FRMD6: variants seen among roughly 807,000 people sequenced by gnomAD.
FRMD6 encodes FERM domain-containing protein 6.
A neutral mutation model predicts 73.2 loss-of-function variants in FRMD6; 37 were observed. The observed-to-expected ratio is 0.51, with a 90% CI of 0.39 to 0.66. FRMD6 has a LOEUF of 0.66. Ranked by LOEUF, FRMD6 falls within the 30% of genes least tolerant of loss-of-function variation. FRMD6 has a pLI of 0.00. For synonymous variants in FRMD6, 273 were observed against 282.2 expected (o/e 0.97, Z 0.33); for missense variants, 714 against 780.5 (o/e 0.91, Z 1.02).
chr14:51,577,161 C>T (rs1745249785), intron 2 of FRMD6, among the ~76,000 whole-genome samples: 1 of 152,102 alleles, frequency 6.6e-6, no homozygotes, highest in South Asian at 2.1e-4. Flanking sequence ...GCAGTCACAT[C>T]TGCCATGAGC....
chr14:51,531,202 C>T (rs1050176174), intron 1 of FRMD6, among the ~76,000 whole-genome samples: 3 of 152,160 alleles, frequency 2.0e-5, no homozygotes, highest in African/African-American at 7.2e-5. Flanking sequence ...TTAGGGGACA[C>T]ATTTAAATCC....
chr14:51,501,294 C>G (rs1032080625), intron 1 of FRMD6, among the ~76,000 whole-genome samples: 17 of 152,086 alleles, frequency 1.1e-4, no homozygotes, highest in Non-Finnish European at 1.5e-5. Context: ...TGGTGGTTTG[C>G]TGCACAGATC....
intron 1 of FRMD6, among the ~76,000 whole-genome samples, chr14:51,548,280 G>C (rs1401557541): frequency 2.6e-5 from 4 of 152,204 alleles, no homozygotes; most frequent in African/African-American, 7.2e-5. Flanking sequence ...TAAGTTCTAT[G>C]AGTAATGTAA....
intron 2 of FRMD6, chr14:51,575,594 G>C (rs1247553253): frequency 1.3e-5 from 2 of 152,178 alleles, no homozygotes; most frequent in African/African-American, 4.8e-5. Flanking sequence ...GGTCATAAAT[G>C]TTTTCTTTTT....
intron 1 of FRMD6, among the ~76,000 whole-genome samples, chr14:51,541,591 C>T (rs1009247584): frequency 1.3e-5 from 2 of 151,676 alleles, no homozygotes; most frequent in Non-Finnish European, 2.9e-5. Flanking sequence ...TGGCTGTGTA[C>T]GGATGTAAGA....
At chr14:51,678,096 G>A (rs1283157186) in intron 1 of FRMD6, among the ~76,000 whole-genome samples, 1 of 152,084 alleles carries the variant, frequency 6.6e-6, no homozygotes, top group Non-Finnish European at 1.5e-5. Context: ...CTTATCTAGT[G>A]CTTACCATAT....
intron 2 of FRMD6, among the ~76,000 whole-genome samples, chr14:51,590,614 G>A (rs1435036679): frequency 7.9e-5 from 12 of 152,142 alleles, no homozygotes; most frequent in Non-Finnish European, 1.8e-4. Context: ...GAACAGTAAC[G>A]ACAGTAATTA....
chr14:51,670,381 T>C (rs1287194509), intron 1 of FRMD6, among the ~76,000 whole-genome samples: 1 of 152,244 alleles, frequency 6.6e-6, no homozygotes, highest in Non-Finnish European at 1.5e-5. Context: ...GAAATAATTT[T>C]AGACTCACAA....
At chr14:51,611,721 C>G (rs1233827034) in intron 2 of FRMD6, among the ~76,000 whole-genome samples, 2 of 152,164 alleles carry the variant, frequency 1.3e-5, no homozygotes, top group East Asian at 3.9e-4. Flanking sequence ...ACGCATAGCA[C>G]TAGAGATCTA....
intron 1 of FRMD6, among the ~76,000 whole-genome samples, chr14:51,554,028 GC>G (rs1886983222): frequency 6.6e-6 from 1 of 151,902 alleles, no homozygotes; most frequent in Non-Finnish European, 1.5e-5. Context: ...TAGGGCTGGA[GC>G]AAAAAAATAT....
intron 1 of FRMD6, among the ~76,000 whole-genome samples, chr14:51,495,984 C>T (rs905166553): frequency 6.6e-5 from 10 of 152,196 alleles, no homozygotes; most frequent in African/African-American, 2.4e-4. Flanking sequence ...TACCCACATT[C>T]TATAAGCATT....
At chr14:51,485,216 G>A (rs980638299), upstream of FRMD6, among the ~76,000 whole-genome samples, 1 of 152,114 alleles carries the variant, frequency 6.6e-6, no homozygotes, top group Non-Finnish European at 1.5e-5. Flanking sequence ...ATGCCTCCAC[G>A]GCCTTTGCTC....
chr14:51,542,111 C>G (rs1460146111), intron 1 of FRMD6, among the ~76,000 whole-genome samples: 1 of 152,010 alleles, frequency 6.6e-6, no homozygotes, highest in Admixed American at 6.6e-5. Context: ...GGAAGCTGAA[C>G]TTTGAAAGTT....
At chr14:51,660,356 C>T (rs866435646) in intron 1 of FRMD6, among the ~76,000 whole-genome samples, 1 of 152,092 alleles carries the variant, frequency 6.6e-6, no homozygotes. Flanking sequence ...ATAGGATGTT[C>T]CCAGCCTTCC....
At chr14:51,514,309 A>T (rs1428702360) in intron 1 of FRMD6, among the ~76,000 whole-genome samples, 1 of 151,854 alleles carries the variant, frequency 6.6e-6, no homozygotes, top group Non-Finnish European at 1.5e-5. Flanking sequence ...AAAACAAATG[A>T]CACAGGGAGG....
chr14:51,726,374 G>A (rs1229584694), intron 13 of FRMD6, among the ~76,000 whole-genome samples: 3 of 152,126 alleles, frequency 2.0e-5, no homozygotes, highest in African/African-American at 7.2e-5. Flanking sequence ...TTCAGCATTT[G>A]GATGTAATGT....
chr14:51,650,931 G>C (rs922234899), upstream of FRMD6: 8 of 152,374 alleles, frequency 5.3e-5, no homozygotes, highest in African/African-American at 1.9e-4. Context: ...TGCGGGTCTA[G>C]GGGCCAGGTG....
chr14:51,493,352 T>A (rs935783990), intron 1 of FRMD6, among the ~76,000 whole-genome samples: 1 of 152,198 alleles, frequency 6.6e-6, no homozygotes, highest in African/African-American at 2.4e-5. Flanking sequence ...GCTCCCATAA[T>A]TCCCATAATA....
chr14:51,509,675 A>G (rs1342054659), intron 1 of FRMD6, among the ~76,000 whole-genome samples: 1 of 152,058 alleles, frequency 6.6e-6, no homozygotes, highest in Admixed American at 6.5e-5. Flanking sequence ...CTCCCAGGCT[A>G]GAGTGCAGTG....
Sources: allele counts gnomAD v4.1 joint callset (sites outside exome capture counted in the v4.1 genomes callset), GRCh38; gene constraint gnomAD v4.1.1; transcripts MANE v1.5; gene names NCBI Gene and HGNC (gene_info 2026-07-23, HGNC 2026-07-21).